The following RELN variants were observed in gnomAD, a reference collection of about 807,000 sequenced individuals.
RELN encodes the protein reelin.
RELN carries 108 observed loss-of-function variants against 427.6 expected under a neutral mutation model. The ratio of observed to expected loss-of-function variants is 0.25; its 90% confidence interval spans 0.22 to 0.30. RELN has a LOEUF of 0.30. RELN is among the 10% of genes least tolerant of loss of function. RELN has a pLI of 1.00. For missense variants in RELN, 3,715 were observed against 4,302.8 expected, an observed-to-expected ratio of 0.86 and a Z score of 3.82; for synonymous variants, 1,524 against 1,513.4, an observed-to-expected ratio of 1.01 and a Z score of -0.16.
At chr7:103,523,952 C>G (rs1028810791) in intron 46 of RELN, among the ~76,000 whole-genome samples, 5 of 152,192 alleles carry the variant, frequency 3.3e-5, no homozygotes, top group Non-Finnish European at 7.3e-5. Context: ...GCGGGGATTA[C>G]AGGCATGAGC....
At chr7:103,809,239 G>A (rs1419550682) in intron 3 of RELN, among the ~76,000 whole-genome samples, 1 of 152,138 alleles carries the variant, frequency 6.6e-6, no homozygotes, top group African/African-American at 2.4e-5. Flanking sequence ...AACATACTCA[G>A]ACCAACAAAG....
chr7:103,974,655 C>T (rs1796834405), intron 1 of RELN, among the ~76,000 whole-genome samples: 1 of 152,186 alleles, frequency 6.6e-6, no homozygotes, highest in Admixed American at 6.5e-5. Flanking sequence ...TTTGTATGTT[C>T]ATCACTGTCC....
At chr7:103,872,106 A>G (rs1262214432) in intron 2 of RELN, among the ~76,000 whole-genome samples, 1 of 140,076 alleles carries the variant, frequency 7.1e-6, no homozygotes, top group Non-Finnish European at 1.5e-5. Flanking sequence ...GTACATGTGC[A>G]CATTGTGCAG....
At chr7:103,784,217 C>T (rs1441075807) in intron 3 of RELN, among the ~76,000 whole-genome samples, 1 of 152,040 alleles carries the variant, frequency 6.6e-6, no homozygotes, top group Non-Finnish European at 1.5e-5. Context: ...AGGAGGATCA[C>T]CATTAAGGTG....
At chr7:103,656,495 T>C (rs914835095) in intron 12 of RELN, among the ~76,000 whole-genome samples, 5 of 152,168 alleles carry the variant, frequency 3.3e-5, no homozygotes, top group South Asian at 2.1e-4. Flanking sequence ...TCTCACCCCA[T>C]TGGTGTGCTC....
At chr7:103,554,069 C>A (rs1476227987) in intron 38 of RELN, among the ~76,000 whole-genome samples, 1 of 152,040 alleles carries the variant, frequency 6.6e-6, no homozygotes, top group Non-Finnish European at 1.5e-5. Context: ...TGCCTGTAGT[C>A]CCAGCTACTC....
chr7:103,949,761 T>C (rs997381560), intron 1 of RELN, among the ~76,000 whole-genome samples: 4 of 152,182 alleles, frequency 2.6e-5, no homozygotes, highest in Non-Finnish European at 5.9e-5. Flanking sequence ...TTAACCGGTA[T>C]GGTTTCTCAA....
intron 2 of RELN, among the ~76,000 whole-genome samples, chr7:103,869,355 C>CT (rs1424451596): frequency 1.3e-5 from 2 of 151,886 alleles, no homozygotes; most frequent in Non-Finnish European, 2.9e-5. Flanking sequence ...TTCTTTATAC[C>CT]TTTTTTTACT....
intron 10 of RELN, among the ~76,000 whole-genome samples, chr7:103,697,427 C>A (rs1373191820): frequency 6.6e-6 from 1 of 152,068 alleles, no homozygotes; most frequent in African/African-American, 2.4e-5. Context: ...CTTTGTAACC[C>A]CCCAGGTCTG....
At chr7:103,957,204 T>C (rs1370919878) in intron 1 of RELN, among the ~76,000 whole-genome samples, 1 of 74,386 alleles carries the variant, frequency 1.3e-5, no homozygotes, top group East Asian at 3.4e-4. Flanking sequence ...AACATCTGTC[T>C]CAAGTGAAAA....
intron 3 of RELN, among the ~76,000 whole-genome samples, chr7:103,780,567 A>G (rs968722101): frequency 2.0e-5 from 3 of 151,996 alleles, no homozygotes; most frequent in Non-Finnish European, 2.9e-5. Context: ...CCACCCTCCA[A>G]TAGGCTCCAG....
At chr7:103,581,818 G>C (rs1045929371) in intron 28 of RELN, among the ~76,000 whole-genome samples, 1 of 151,938 alleles carries the variant, frequency 6.6e-6, no homozygotes, top group Non-Finnish European at 1.5e-5. Context: ...ATACTGAGAT[G>C]AAGACTACAT....
At chr7:103,788,738 A>G (rs886262605) in intron 3 of RELN, among the ~76,000 whole-genome samples, 1 of 152,226 alleles carries the variant, frequency 6.6e-6, no homozygotes, top group South Asian at 2.1e-4. Flanking sequence ...TGAAGAATCA[A>G]TATCGTGAAA....
At chr7:103,524,161 G>A (rs996897437) in intron 46 of RELN, among the ~76,000 whole-genome samples, 5 of 152,134 alleles carry the variant, frequency 3.3e-5, no homozygotes, top group Admixed American at 6.5e-5. Flanking sequence ...CTTGGATTTC[G>A]TGTGGGAAGT....
chr7:103,819,064 G>A (rs1229871051), intron 3 of RELN, among the ~76,000 whole-genome samples: 2 of 152,202 alleles, frequency 1.3e-5, no homozygotes, highest in African/African-American at 2.4e-5. Context: ...ATGCATATGC[G>A]TGTGCACATG....
At chr7:103,771,009 G>C (rs534707837) in intron 4 of RELN, among the ~76,000 whole-genome samples, 1 of 149,214 alleles carries the variant, frequency 6.7e-6, no homozygotes, top group African/African-American at 2.5e-5. Flanking sequence ...CTGCCTCCCA[G>C]GTTTAAGCGA....
At chr7:103,712,809 ATTTTG>A (rs1455743124) in intron 8 of RELN, among the ~76,000 whole-genome samples, 2 of 151,928 alleles carry the variant, frequency 1.3e-5, no homozygotes, top group African/African-American at 4.8e-5. Context: ...AATTTCATCT[ATTTTG>A]TTTTACTTTT....
intron 9 of RELN, 93 bp from the exon 10 acceptor site, chr7:103,698,186 T>C: frequency 7.0e-7 from 1 of 1,433,558 alleles, no homozygotes; most frequent in African/African-American, 1.4e-5. Flanking sequence ...TTTCATGATC[T>C]CAAGAATGTT....
chr7:103,698,229 A>T (rs117176378), intron 9 of RELN, 136 bp from the exon 10 acceptor site: 3 of 1,082,730 alleles, frequency 2.8e-6, no homozygotes, highest in Non-Finnish European at 4.2e-6. Flanking sequence ...CTACAATCTC[A>T]TAGCCCTTAA....
Sources: allele counts gnomAD v4.1 joint callset (sites outside exome capture counted in the v4.1 genomes callset), GRCh38; gene constraint gnomAD v4.1.1; transcripts MANE v1.5; gene names NCBI Gene and HGNC (gene_info 2026-07-23, HGNC 2026-07-21).